HS3ST4: variants seen among roughly 807,000 people sequenced by gnomAD.
HS3ST4 encodes heparan sulfate glucosamine 3-O-sulfotransferase 4.
Under a neutral mutation model 29.2 loss-of-function variants are expected in HS3ST4, and 17 were observed. That is an observed-to-expected ratio of 0.58 (90% CI 0.40 to 0.87). The LOEUF (loss-of-function observed/expected upper bound fraction) is 0.87. Ranked by LOEUF, HS3ST4 falls within the 40% of genes least tolerant of loss-of-function variation. HS3ST4 has a pLI of 0.00. For synonymous variants in HS3ST4, 314 were observed against 285.7 expected (o/e 1.10, Z -1.00); for missense variants, 627 against 634.5 (o/e 0.99, Z 0.13).
chr16:26,034,923 C>T (rs1410703555), intron 1 of HS3ST4, among the ~76,000 whole-genome samples: 2 of 152,112 alleles, frequency 1.3e-5, no homozygotes, highest in Non-Finnish European at 2.9e-5. Flanking sequence ...GCAGATCTTG[C>T]AGTGAGCCAT....
At chr16:25,883,058 T>G (rs1967910396) in intron 1 of HS3ST4, among the ~76,000 whole-genome samples, 2 of 152,126 alleles carry the variant, frequency 1.3e-5, no homozygotes, top group African/African-American at 4.8e-5. Flanking sequence ...TATTATCTCA[T>G]ATTCCACTGG....
At chr16:26,118,081 T>G (rs184194796) in intron 1 of HS3ST4, among the ~76,000 whole-genome samples, 1 of 152,324 alleles carries the variant, frequency 6.6e-6, no homozygotes, top group East Asian at 1.9e-4. Flanking sequence ...ATGGCCTTTT[T>G]AAAAGACAGG....
At chr16:26,044,771 G>A (rs2141761082) in intron 1 of HS3ST4, among the ~76,000 whole-genome samples, 1 of 152,258 alleles carries the variant, frequency 6.6e-6, no homozygotes, top group Non-Finnish European at 1.5e-5. Flanking sequence ...GTAGGAAGTA[G>A]GCTGCTTGCT....
intron 1 of HS3ST4, among the ~76,000 whole-genome samples, chr16:25,903,919 A>C (rs1968148511): frequency 6.6e-6 from 1 of 152,216 alleles, no homozygotes; most frequent in Non-Finnish European, 1.5e-5. Flanking sequence ...TATTTCCAGC[A>C]CCTAAATAGT....
chr16:25,981,336 T>TA lies in HS3ST4; in HGVS notation c.735-154264dup, dbSNP rs1213016567. 7.7e-3 allele frequency among the ~76,000 whole-genome samples: 1,111 copies of TA among 144,372 alleles called. 9 individuals are homozygous for TA. Among genetic ancestry groups the TA allele is most frequent in the African/African-American group, 0.025 (1,008 of 39,708 alleles). 94.7% of individuals were successfully genotyped at this position (144,372 alleles called of 152,430 possible). A position where few individuals can be genotyped will look rare whatever the true frequency, so the allele number is the denominator to read the frequency against. ...TGGGGGACAAGAGCAAAACTCCGTC[T>TA]AAAAAAAAAAAAGAAGGTAGGTAGT... On this transcript the variant is annotated intron_variant, in intron 1 of 1. Coordinates refer to ENST00000331351, the MANE Select transcript of HS3ST4 (RefSeq NM_006040.3).
intron 1 of HS3ST4, among the ~76,000 whole-genome samples, chr16:26,034,669 G>T (rs1049592879): frequency 1.9e-5 from 2 of 104,274 alleles, no homozygotes; most frequent in East Asian, 4.0e-4. Flanking sequence ...TAGCAGGGGC[G>T]GGGGGGGGTC....
intron 1 of HS3ST4, among the ~76,000 whole-genome samples, chr16:25,914,701 A>T (rs187607306): frequency 6.6e-6 from 1 of 151,662 alleles, no homozygotes; most frequent in Admixed American, 6.6e-5. Context: ...CACCTGCAGA[A>T]GTCCTGTGCT....
intron 1 of HS3ST4, among the ~76,000 whole-genome samples, chr16:26,113,287 A>T (rs1450995500): frequency 6.6e-6 from 1 of 152,128 alleles, no homozygotes. Flanking sequence ...TCTACTAAAA[A>T]TACCAAAATT....
chr16:25,768,612 G>A (rs1182461683), intron 1 of HS3ST4, among the ~76,000 whole-genome samples: 1 of 152,140 alleles, frequency 6.6e-6, no homozygotes, highest in East Asian at 1.9e-4. Context: ...GCTTCCTAGG[G>A]TAACTTTGGG....
chr16:25,971,386 T>TCCTCCCACCCAAAC (rs1968895732), intron 1 of HS3ST4, among the ~76,000 whole-genome samples: 2 of 152,168 alleles, frequency 1.3e-5, no homozygotes, highest in South Asian at 4.1e-4. Context: ...ACTCACTGTT[T>TCCTCCCACCCAAAC]ATCCTCCTCC....
At chr16:26,043,785 G>T (rs1192926014) in intron 1 of HS3ST4, among the ~76,000 whole-genome samples, 1 of 152,110 alleles carries the variant, frequency 6.6e-6, no homozygotes, top group Non-Finnish European at 1.5e-5. Context: ...TTAAACCCCT[G>T]CCCTTCTTGT....
At chr16:25,703,307 G>A (rs908929089) in intron 1 of HS3ST4, among the ~76,000 whole-genome samples, 15 of 152,164 alleles carry the variant, frequency 9.9e-5, no homozygotes, top group African/African-American at 3.4e-4. Context: ...CGAATCTGAT[G>A]GAATAACAGT....
At chr16:25,729,936 C>T (rs757602273) in intron 1 of HS3ST4, among the ~76,000 whole-genome samples, 1 of 152,150 alleles carries the variant, frequency 6.6e-6, no homozygotes, top group Non-Finnish European at 1.5e-5. Context: ...CATACACAGG[C>T]AGCAATCTGT....
chr16:26,077,510 C>T (rs1291067747), intron 1 of HS3ST4, among the ~76,000 whole-genome samples: 1 of 152,188 alleles, frequency 6.6e-6, no homozygotes, highest in Non-Finnish European at 1.5e-5. Context: ...ACCCCTTGTT[C>T]CACTGTGCTT....
chr16:25,717,513 GTGTGT>G (rs1567226060), intron 1 of HS3ST4, among the ~76,000 whole-genome samples: 1,181 of 45,300 alleles, frequency 0.026, 24 homozygotes, highest in African/African-American at 0.11. Context: ...GTGAAGGGGT[GTGTGT>G]GTGTGTGTGT....
intron 1 of HS3ST4, among the ~76,000 whole-genome samples, chr16:25,922,824 C>T (rs1238830741): frequency 6.6e-6 from 1 of 152,194 alleles, no homozygotes; most frequent in Non-Finnish European, 1.5e-5. Flanking sequence ...GTGCCTTAAG[C>T]TTTTCAGATG....
chr16:25,970,310 G>A lies in HS3ST4; in HGVS notation c.735-165302G>A, dbSNP rs552337036. On this transcript the variant is annotated intron_variant, in intron 1 of 1. Transcript: ENST00000331351. ...TTGTGGGGATTAAACGTGATTTTAG[G>A]ACAAGACCTTGAACATAATAAGTGC... Among the ~76,000 whole-genome samples the A allele has an allele frequency of 1.4e-4, 21 of 152,318 alleles. No individual in the cohort carries two copies. In the South Asian group the frequency reaches 4.4e-3, roughly 32 times the overall value.
At chr16:25,834,526 T>C (rs1025914644) in intron 1 of HS3ST4, among the ~76,000 whole-genome samples, 2 of 152,190 alleles carry the variant, frequency 1.3e-5, no homozygotes, top group African/African-American at 4.8e-5. Flanking sequence ...TGTTGAGAGA[T>C]GAAAAGCAAG....
intron 1 of HS3ST4, among the ~76,000 whole-genome samples, chr16:26,053,376 T>C (rs1254567408): frequency 6.6e-6 from 1 of 152,204 alleles, no homozygotes; most frequent in African/African-American, 2.4e-5. Flanking sequence ...ACCTCCAATG[T>C]CCTAAAAACA....
Sources: gnomAD v4.1 joint callset for allele counts (sites outside exome capture counted in the v4.1 genomes callset) on GRCh38, gnomAD v4.1.1 for gene constraint, MANE v1.5 for transcripts, NCBI Gene and HGNC (gene_info 2026-07-23, HGNC 2026-07-21) for gene names.